HHAT: variants seen among roughly 807,000 people sequenced by gnomAD.
The protein encoded by HHAT is hedgehog acyltransferase.
A neutral mutation model predicts 70.8 loss-of-function variants in HHAT; 47 were observed. The ratio of observed to expected loss-of-function variants is 0.66; its 90% confidence interval spans 0.53 to 0.85. HHAT has a LOEUF of 0.85. HHAT is among the 40% of genes least tolerant of loss of function. The pLI is 0.00. For synonymous variants in HHAT, 228 were observed against 247.6 expected (o/e 0.92, Z 0.74); for missense variants, 609 against 604.8 (o/e 1.01, Z -0.07).
intron 11 of HHAT, among the ~76,000 whole-genome samples, chr1:210,641,093 T>C (rs1435062989): frequency 2.0e-5 from 3 of 152,210 alleles, no homozygotes; most frequent in Admixed American, 6.5e-5. Flanking sequence ...TATGAGCTAC[T>C]GAATACTGTA....
intron 7 of HHAT, among the ~76,000 whole-genome samples, chr1:210,430,945 TTA>T (rs1344638741): frequency 3.3e-5 from 5 of 152,052 alleles, no homozygotes; most frequent in Admixed American, 6.5e-5. Flanking sequence ...ATAAACATAT[TTA>T]TCTTACATTC....
intron 9 of HHAT, among the ~76,000 whole-genome samples, chr1:210,561,992 A>G (rs2095627383): frequency 6.6e-6 from 1 of 152,234 alleles, no homozygotes; most frequent in South Asian, 2.1e-4. Flanking sequence ...GTTGAGTTAA[A>G]TGAATGGATG....
In HHAT at chr1:210,513,182, TAATC is replaced by T. The variant is rs1353988682; in HGVS notation, c.1039_1042del (p.Ile347GlyfsTer23). Reference sequence around the variant, plus strand: ...TTTGATGTTGGACTGCATAATTTCTTAATCAGGTAAGCCAATAATTTTTATTTTA... The same window carrying T: ...TTTGATGTTGGACTGCATAATTTCTTAGGTAAGCCAATAATTTTTATTTTA... On this transcript the variant is annotated frameshift_variant and splice_region_variant, in exon 9 of 12. Coordinates refer to ENST00000261458, the MANE Select transcript of HHAT (RefSeq NM_018194.6). LOFTEE classifies it high-confidence loss of function. 24 of 1,502,126 alleles carry T rather than the reference TAATC, an allele frequency of 1.6e-5. No individual in the cohort carries two copies. Among genetic ancestry groups the T allele is most frequent in the East Asian group, 4.5e-5 (2 of 44,082 alleles). 93.0% of individuals were successfully genotyped at this position (1,502,126 alleles called of 1,614,324 possible).
intron 10 of HHAT, among the ~76,000 whole-genome samples, chr1:210,603,620 A>G (rs555316406): frequency 8.2e-4 from 125 of 152,270 alleles, no homozygotes; most frequent in Middle Eastern, 3.4e-3. Flanking sequence ...GCACATACTC[A>G]CTGCAATATA....
chr1:210,383,248 G>A (rs1009678822), intron 3 of HHAT, among the ~76,000 whole-genome samples: 2 of 152,194 alleles, frequency 1.3e-5, no homozygotes, highest in East Asian at 1.9e-4. Flanking sequence ...GCTGAGGCAC[G>A]AGAATCACTT....
intron 3 of HHAT, among the ~76,000 whole-genome samples, chr1:210,377,671 A>G (rs1343083329): frequency 6.6e-6 from 1 of 152,236 alleles, no homozygotes; most frequent in Non-Finnish European, 1.5e-5. Context: ...TAACTTACCC[A>G]TGTTAATTAG....
chr1:210,540,466 CACACGCACACACAT>C (rs1198937047), intron 9 of HHAT, among the ~76,000 whole-genome samples: 1 of 135,038 alleles, frequency 7.4e-6, no homozygotes, highest in Non-Finnish European at 1.7e-5. Context: ...CACACACACA[CACACGCACACACAT>C]GCACACACAC....
chr1:210,662,855 G>C (rs1296317062), intron 11 of HHAT, among the ~76,000 whole-genome samples: 1 of 152,070 alleles, frequency 6.6e-6, no homozygotes, highest in African/African-American at 2.4e-5. Flanking sequence ...GTAGAAGTTG[G>C]CCTCATCAGG....
intron 8 of HHAT, among the ~76,000 whole-genome samples, chr1:210,497,466 G>A (rs1247790589): frequency 1.3e-5 from 2 of 152,170 alleles, no homozygotes; most frequent in African/African-American, 4.8e-5. Context: ...AACTGTGGCA[G>A]TTTCAAACTG....
intron 1 of HHAT, among the ~76,000 whole-genome samples, chr1:210,341,429 T>C (rs932755263): frequency 6.6e-6 from 1 of 152,242 alleles, no homozygotes; most frequent in Non-Finnish European, 1.5e-5. Flanking sequence ...TGTTTATGTA[T>C]GTTTCAGGCT....
intron 1 of HHAT, among the ~76,000 whole-genome samples, chr1:210,339,690 G>A (rs2147934359): frequency 6.6e-6 from 1 of 152,300 alleles, no homozygotes; most frequent in African/African-American, 2.4e-5. Flanking sequence ...TCCAGCCCCA[G>A]TGGAGTTGTG....
chr1:210,360,256 A>C (rs1040674845), intron 2 of HHAT, among the ~76,000 whole-genome samples: 1 of 151,958 alleles, frequency 6.6e-6, no homozygotes, highest in Non-Finnish European at 1.5e-5. Context: ...AATGAGACAA[A>C]GGTGATTTAT....
chr1:210,623,380 G>T (rs1669239538), intron 10 of HHAT, 146 bp from the exon 11 acceptor site: 12 of 875,680 alleles, frequency 1.4e-5, no homozygotes, highest in Non-Finnish European at 2.0e-5. Flanking sequence ...GACAGGAATT[G>T]AAGTTTTGAG....
chr1:210,338,265 G>C (rs572435687), intron 1 of HHAT, among the ~76,000 whole-genome samples: 15 of 152,226 alleles, frequency 9.9e-5, no homozygotes, highest in South Asian at 4.2e-4. Context: ...GCTTGAGCCT[G>C]GGAAGTTGAG....
rs962673065 is a variant in HHAT, at chr1:210,374,261, C to G, written c.159+11342C>G. The G allele has an allele frequency of 6.3e-5, 8 of 126,598 alleles. No individual in the cohort carries two copies. In the East Asian group the frequency reaches 9.8e-4, roughly 16 times the overall value. The allele number at this position is 126,598 out of a possible 1,614,324, so 7.8% of individuals were successfully genotyped here. ...AAGATTTATTCGATCTGAAGAGAAACCAGTGTAATGCTACAAATTAGTTCA... is the reference window on the plus strand; with the variant it reads ...AAGATTTATTCGATCTGAAGAGAAAGCAGTGTAATGCTACAAATTAGTTCA... On this transcript the variant is annotated intron_variant, in intron 3 of 11. Coordinates refer to ENST00000261458, the MANE Select transcript of HHAT (RefSeq NM_018194.6).
chr1:210,561,108 TG>T (rs2095619357), intron 9 of HHAT, among the ~76,000 whole-genome samples: 1 of 152,144 alleles, frequency 6.6e-6, no homozygotes, highest in African/African-American at 2.4e-5. Flanking sequence ...CTAGCTGAGG[TG>T]TGGGGTAAGT....
At chr1:210,587,795 G>T in intron 9 of HHAT, 103 bp from the exon 10 acceptor site, 1 of 838,630 alleles carries the variant, frequency 1.2e-6, no homozygotes, top group Non-Finnish European at 1.9e-6. Flanking sequence ...GGAAGGATCT[G>T]CATATGTGAA....
At chr1:210,485,564 T>C (rs114100459) in intron 8 of HHAT, among the ~76,000 whole-genome samples, 125 of 152,236 alleles carry the variant, frequency 8.2e-4, no homozygotes, top group African/African-American at 2.9e-3. Flanking sequence ...AAGACCTACC[T>C]GAGACTGGGT....
At chr1:210,667,413 T>C (rs1363008093) in intron 11 of HHAT, among the ~76,000 whole-genome samples, 1 of 119,534 alleles carries the variant, frequency 8.4e-6, no homozygotes. Flanking sequence ...TAAATAATTA[T>C]TTTTTCTCAC....
Sources: allele counts gnomAD v4.1 joint callset (sites outside exome capture counted in the v4.1 genomes callset), GRCh38; gene constraint gnomAD v4.1.1; transcripts MANE v1.5; gene names NCBI Gene and HGNC (gene_info 2026-07-23, HGNC 2026-07-21).